ZFAT: variants seen among roughly 807,000 people sequenced by gnomAD.
ZFAT encodes the protein zinc finger and AT-hook domain containing.
ZFAT carries 64 observed loss-of-function variants against 117.7 expected under a neutral mutation model. The ratio of observed to expected loss-of-function variants is 0.54; its 90% confidence interval spans 0.44 to 0.67. ZFAT has a LOEUF of 0.67. ZFAT is among the 30% of genes least tolerant of loss of function. The probability of loss-of-function intolerance (pLI) is 0.00; values close to 1 mark genes in which losing one functional copy is unlikely to be tolerated. For missense variants in ZFAT, 1,433 were observed against 1,584.5 expected (o/e 0.90, Z 1.62); for synonymous variants, 679 against 615.0 (o/e 1.10, Z -1.54).
chr8:134,719,316 T>C, the ZFAT span, among the ~76,000 whole-genome samples: 1 of 152,176 alleles, frequency 6.6e-6, no homozygotes, highest in African/African-American at 2.4e-5. Context: ...TTCCCTTCTC[T>C]GGGCAATGAA....
intron 11 of ZFAT, among the ~76,000 whole-genome samples, chr8:134,534,183 T>C (rs1160764508): frequency 6.6e-6 from 1 of 152,240 alleles, no homozygotes; most frequent in East Asian, 1.9e-4. Flanking sequence ...CATGCCCATG[T>C]CATAAGGTTG....
At chr8:134,744,118 T>C in the ZFAT span, among the ~76,000 whole-genome samples, 1 of 152,168 alleles carries the variant, frequency 6.6e-6, no homozygotes, top group Non-Finnish European at 1.5e-5. Context: ...AGTCAGGGTC[T>C]CACCATTTTA....
chr8:134,771,094 G>T, the ZFAT span, among the ~76,000 whole-genome samples: 1 of 152,138 alleles, frequency 6.6e-6, no homozygotes, highest in Non-Finnish European at 1.5e-5. Context: ...TTAAGTACTT[G>T]ATGTCTGTCA....
chr8:134,553,987 G>C (rs892839842), intron 11 of ZFAT, among the ~76,000 whole-genome samples: 2 of 152,212 alleles, frequency 1.3e-5, no homozygotes, highest in Non-Finnish European at 2.9e-5. Flanking sequence ...CATGGGGACA[G>C]TCCCAAGGGT....
intron 1 of ZFAT, among the ~76,000 whole-genome samples, chr8:134,698,024 A>G (rs186429720): frequency 4.8e-4 from 72 of 150,178 alleles, no homozygotes; most frequent in African/African-American, 1.7e-3. Context: ...GAACACGCAG[A>G]AGGAGGACCC....
intron 11 of ZFAT, among the ~76,000 whole-genome samples, chr8:134,540,018 T>C (rs1822133983): frequency 6.6e-6 from 1 of 152,074 alleles, no homozygotes; most frequent in Non-Finnish European, 1.5e-5. Flanking sequence ...AACACAAGAG[T>C]ATGACTGTGC....
At chr8:134,783,152 T>G in the ZFAT span, among the ~76,000 whole-genome samples, 1 of 152,246 alleles carries the variant, frequency 6.6e-6, no homozygotes, top group Non-Finnish European at 1.5e-5. Context: ...GTTTGAGATT[T>G]CATCCATTTT....
intron 3 of ZFAT, among the ~76,000 whole-genome samples, chr8:134,620,870 G>A (rs543061949): frequency 2.0e-5 from 3 of 152,184 alleles, no homozygotes; most frequent in African/African-American, 7.2e-5. Context: ...TAAGGACACC[G>A]AAGGGAGCCC....
chr8:134,590,836 T>C (rs577665053), intron 7 of ZFAT, among the ~76,000 whole-genome samples: 1 of 151,718 alleles, frequency 6.6e-6, no homozygotes, highest in South Asian at 2.1e-4. Flanking sequence ...ACGACCCCCC[T>C]CACCATCATC....
chr8:134,590,742 C>T (rs1586766927), intron 7 of ZFAT, among the ~76,000 whole-genome samples: 1 of 151,364 alleles, frequency 6.6e-6, no homozygotes, highest in South Asian at 2.1e-4. Context: ...AACACCACCA[C>T]CACCAGCACT....
intron 1 of ZFAT, among the ~76,000 whole-genome samples, chr8:134,696,063 G>A (rs1237752923): frequency 3.4e-5 from 5 of 148,018 alleles, no homozygotes; most frequent in African/African-American, 1.3e-4. Context: ...CCCTGCCTGC[G>A]TCTCTAACTA....
chr8:134,712,791 C>A, intron 1 of ZFAT, 54 bp downstream of exon 1: 1 of 1,387,040 alleles, frequency 7.2e-7, no homozygotes, highest in Admixed American at 2.4e-5. Flanking sequence ...TTTCCGCGCG[C>A]CGCGCCGCGC....
At chr8:134,580,427 C>A (rs1563873696) in intron 10 of ZFAT, among the ~76,000 whole-genome samples, 2 of 152,190 alleles carry the variant, frequency 1.3e-5, no homozygotes, top group Non-Finnish European at 2.9e-5. Flanking sequence ...AAGGCACCTG[C>A]ACAAGCACAG....
At chr8:134,600,378 T>C (rs992297157) in intron 7 of ZFAT, 58 bp downstream of exon 7, 4 of 1,463,590 alleles carry the variant, frequency 2.7e-6, no homozygotes, top group Non-Finnish European at 3.8e-6. Flanking sequence ...AAGCATAAAC[T>C]TGAGAAAGCA....
At chr8:134,534,842 C>A (rs1372353493) in intron 11 of ZFAT, among the ~76,000 whole-genome samples, 1 of 151,796 alleles carries the variant, frequency 6.6e-6, no homozygotes, top group Non-Finnish European at 1.5e-5. Context: ...TTCCACCTCA[C>A]CCCCTGCCTA....
chr8:134,816,916 G>A, the ZFAT span, among the ~76,000 whole-genome samples: 2 of 151,576 alleles, frequency 1.3e-5, no homozygotes, highest in African/African-American at 4.9e-5. Flanking sequence ...GGGAGGCGGA[G>A]GTTGCAGTGA....
chr8:134,782,081 C>G, the ZFAT span, among the ~76,000 whole-genome samples: 63 of 152,308 alleles, frequency 4.1e-4, 2 homozygotes, highest in South Asian at 0.013. Context: ...CAAAGGTCAA[C>G]TGTATATTGC....
At chr8:134,765,757 T>TCAAGAAA in the ZFAT span, 4 of 152,070 alleles carry the variant, frequency 2.6e-5, no homozygotes, top group African/African-American at 9.7e-5. Context: ...CAGTGTGAAA[T>TCAAGAAA]CAAGAAACGG....
the ZFAT span, among the ~76,000 whole-genome samples, chr8:134,761,943 G>A: frequency 6.6e-6 from 1 of 150,828 alleles, no homozygotes; most frequent in South Asian, 2.1e-4. Context: ...ATTTTTTCTG[G>A]ACCAGCAGCT....
Sources: allele counts gnomAD v4.1 joint callset (sites outside exome capture counted in the v4.1 genomes callset), GRCh38; gene constraint gnomAD v4.1.1; transcripts MANE v1.5; gene names NCBI Gene and HGNC (gene_info 2026-07-23, HGNC 2026-07-21).